AFF3: variants seen among roughly 807,000 people sequenced by gnomAD.
AFF3 encodes the protein ALF transcription elongation factor 3.
In AFF3, 32 loss-of-function variants were observed where a neutral mutation model predicts 129.7. The ratio of observed to expected loss-of-function variants is 0.25; its 90% CI spans 0.19 to 0.33. The LOEUF is 0.33. Ranked by LOEUF, AFF3 falls within the 10% of genes least tolerant of loss-of-function variation. The pLI, the probability that AFF3 is intolerant of heterozygous loss-of-function variation, is 1.00. For missense variants in AFF3, 1,373 were observed against 1,592.0 expected (o/e 0.86, Z 2.34); for synonymous variants, 644 against 635.4 (o/e 1.01, Z -0.20).
At chr2:100,098,356 C>T (rs1690439275) in intron 4 of AFF3, among the ~76,000 whole-genome samples, 1 of 152,066 alleles carries the variant, frequency 6.6e-6, no homozygotes. Context: ...GATTTTGCCA[C>T]CAAGGCTTTA....
chr2:99,645,337 A>T (rs1248732627), intron 13 of AFF3, among the ~76,000 whole-genome samples: 1 of 152,178 alleles, frequency 6.6e-6, no homozygotes, highest in African/African-American at 2.4e-5. Context: ...CAAAAAACAA[A>T]CAAACAAACA....
At chr2:99,906,084 G>C (rs780622214) in intron 7 of AFF3, among the ~76,000 whole-genome samples, 1 of 152,140 alleles carries the variant, frequency 6.6e-6, no homozygotes, top group Non-Finnish European at 1.5e-5. Context: ...CCAGCCAGCT[G>C]ATTTTTAGGC....
intron 13 of AFF3, among the ~76,000 whole-genome samples, chr2:99,646,322 C>T (rs1684686950): frequency 6.6e-6 from 1 of 152,164 alleles, no homozygotes; most frequent in African/African-American, 2.4e-5. Flanking sequence ...CACAGACATG[C>T]TCCTCCATGA....
chr2:100,030,704 T>C (rs554836780), intron 4 of AFF3, among the ~76,000 whole-genome samples: 1 of 152,148 alleles, frequency 6.6e-6, no homozygotes, highest in Non-Finnish European at 1.5e-5. Context: ...GTCACAAAAA[T>C]ACACAGATGA....
chr2:99,607,199 G>C (rs1177345176), intron 13 of AFF3, among the ~76,000 whole-genome samples: 1 of 151,986 alleles, frequency 6.6e-6, no homozygotes, highest in Non-Finnish European at 1.5e-5. Context: ...CTTCCTTTTG[G>C]AATCTGGCCT....
At chr2:99,616,235 A>G (rs764240058) in intron 13 of AFF3, among the ~76,000 whole-genome samples, 61 of 152,120 alleles carry the variant, frequency 4.0e-4, no homozygotes, top group Non-Finnish European at 5.4e-4. Context: ...TTATTCATAT[A>G]TATTTTCAGT....
chr2:99,946,074 C>A (rs114421294), intron 7 of AFF3, among the ~76,000 whole-genome samples: 3,181 of 152,234 alleles, frequency 0.021, 119 homozygotes, highest in African/African-American at 0.074. Context: ...ATTCAAGAAA[C>A]ATGTATCTTT....
At chr2:99,977,197 C>T (rs1199524815) in intron 7 of AFF3, among the ~76,000 whole-genome samples, 1 of 152,138 alleles carries the variant, frequency 6.6e-6, no homozygotes, top group Non-Finnish European at 1.5e-5. Flanking sequence ...TCCCTTCAGG[C>T]GTGTGAATCT....
At chr2:100,012,603 G>A (rs372818060) in intron 4 of AFF3, among the ~76,000 whole-genome samples, 50 of 152,226 alleles carry the variant, frequency 3.3e-4, no homozygotes, top group African/African-American at 9.4e-4. Flanking sequence ...AAATTGTGCC[G>A]GTGCTCACCA....
chr2:99,688,652 C>G (rs957018076), intron 11 of AFF3, among the ~76,000 whole-genome samples: 1 of 152,142 alleles, frequency 6.6e-6, no homozygotes, highest in Middle Eastern at 3.4e-3. Flanking sequence ...TTCTGGCCAC[C>G]CTTCAGAGCT....
intron 1 of AFF3, among the ~76,000 whole-genome samples, 194 bp from the exon 2 acceptor site, chr2:100,129,500 C>T (rs1225274657): frequency 6.6e-6 from 1 of 151,838 alleles, no homozygotes; most frequent in East Asian, 1.9e-4. Flanking sequence ...TCTCTAGGAA[C>T]CCAAAGGGGC....
chr2:100,085,029 C>A (rs2576665), intron 4 of AFF3, among the ~76,000 whole-genome samples: 1 of 152,102 alleles, frequency 6.6e-6, no homozygotes, highest in Non-Finnish European at 1.5e-5. Context: ...ACTGAGTATA[C>A]AAAATTATCA....
chr2:100,022,200 C>T (rs1243417626), intron 4 of AFF3, among the ~76,000 whole-genome samples: 1 of 152,150 alleles, frequency 6.6e-6, no homozygotes, highest in Non-Finnish European at 1.5e-5. Flanking sequence ...CTCACAAGTT[C>T]CCAATTTCAG....
chr2:99,659,152 C>T (rs1164441765), intron 12 of AFF3, among the ~76,000 whole-genome samples: 1 of 152,186 alleles, frequency 6.6e-6, no homozygotes, highest in Non-Finnish European at 1.5e-5. Context: ...GCTGAAGATT[C>T]GCCTGGCAGA....
At chr2:99,717,861 C>G (rs1429500057) in intron 11 of AFF3, among the ~76,000 whole-genome samples, 2 of 152,200 alleles carry the variant, frequency 1.3e-5, no homozygotes, top group Non-Finnish European at 2.9e-5. Context: ...TGTGCTCCCT[C>G]TCAATTGTGT....
intron 12 of AFF3, among the ~76,000 whole-genome samples, chr2:99,655,428 T>C (rs1301159370): frequency 1.3e-5 from 2 of 151,394 alleles, no homozygotes. Context: ...ATCAGAGAAA[T>C]GGGGGTGGGT....
At chr2:99,958,870 T>A (rs1057033107) in intron 7 of AFF3, among the ~76,000 whole-genome samples, 3 of 151,932 alleles carry the variant, frequency 2.0e-5, no homozygotes, top group Non-Finnish European at 4.4e-5. Context: ...CTCAGCACTT[T>A]GGGAGGTTGA....
chr2:99,555,994 C>A (rs1674882085), intron 22 of AFF3, among the ~76,000 whole-genome samples: 1 of 152,184 alleles, frequency 6.6e-6, no homozygotes, highest in Admixed American at 6.5e-5. Flanking sequence ...GTTACTGACA[C>A]CTTTCTCAAG....
At chr2:100,066,351 T>A (rs1263871777) in intron 4 of AFF3, among the ~76,000 whole-genome samples, 1 of 152,092 alleles carries the variant, frequency 6.6e-6, no homozygotes, top group Non-Finnish European at 1.5e-5. Flanking sequence ...TATCTGAATA[T>A]CTATAGACAT....
Sources: allele counts gnomAD v4.1 joint callset (sites outside exome capture counted in the v4.1 genomes callset), GRCh38; gene constraint gnomAD v4.1.1; transcripts MANE v1.5; gene names NCBI Gene and HGNC (gene_info 2026-07-23, HGNC 2026-07-21).